RBFOX1: variants seen among roughly 807,000 people sequenced by gnomAD.
RBFOX1 encodes RNA binding protein fox-1 homolog 1.
RBFOX1 carries 8 observed loss-of-function variants against 57.7 expected under a neutral mutation model. That is an observed-to-expected ratio of 0.14 (90% CI 0.08 to 0.25). The LOEUF (loss-of-function observed/expected upper bound fraction) is 0.25, where lower values mean the gene tolerates loss of function less well. Among genes scored for constraint, RBFOX1 ranks in the 10% least tolerant of loss-of-function variants. The pLI, the probability that RBFOX1 is intolerant of heterozygous loss-of-function variation, is 1.00. For missense variants in RBFOX1, 611 were observed against 548.5 expected, an observed-to-expected ratio of 1.11 and a Z score of -1.14; for synonymous variants, 326 against 222.4, an observed-to-expected ratio of 1.47 and a Z score of -4.15.
intron 3 of RBFOX1, among the ~76,000 whole-genome samples, chr16:6,809,990 C>T (rs1230535082): frequency 6.6e-6 from 1 of 150,612 alleles, no homozygotes; most frequent in Admixed American, 6.6e-5. Context: ...GCTTGTTCTC[C>T]TGGGTGTCTC....
At chr16:5,474,362 A>G (rs369512146) in intron 2 of RBFOX1, among the ~76,000 whole-genome samples, 1 of 152,152 alleles carries the variant, frequency 6.6e-6, no homozygotes, top group African/African-American at 2.4e-5. Context: ...TTTAAAAAAT[A>G]CCCCTGGACG....
intron 3 of RBFOX1, among the ~76,000 whole-genome samples, chr16:6,954,898 G>C (rs9932058): frequency 0.79 from 120,194 of 151,978 alleles, 48,236 homozygotes; most frequent in African/African-American, 0.94. Flanking sequence ...ATAAAGAAAG[G>C]TAATTATCCT....
intron 3 of RBFOX1, among the ~76,000 whole-genome samples, chr16:5,690,374 G>A (rs1267799543): frequency 6.6e-6 from 1 of 152,134 alleles, no homozygotes; most frequent in Non-Finnish European, 1.5e-5. Context: ...AAGGATTTGG[G>A]CCACCGTCTA....
intron 3 of RBFOX1, among the ~76,000 whole-genome samples, chr16:6,866,539 C>CTTTTTTTTTTTTT (rs1161474639): frequency 5.9e-4 from 29 of 49,056 alleles, no homozygotes; most frequent in African/African-American, 1.3e-3. Context: ...TTCTTTCCTT[C>CTTTTTTTTTTTTT]TATTTTTTTT....
intron 2 of RBFOX1, among the ~76,000 whole-genome samples, chr16:6,319,602 CTTCAAAGCT>C (rs2081522926): frequency 6.6e-6 from 1 of 152,188 alleles, no homozygotes; most frequent in Non-Finnish European, 1.5e-5. Flanking sequence ...CAATACTCTT[CTTCAAAGCT>C]TTCACTTCTA....
At chr16:7,018,495 G>C (rs1026419694) in intron 3 of RBFOX1, among the ~76,000 whole-genome samples, 1 of 152,080 alleles carries the variant, frequency 6.6e-6, no homozygotes, top group Non-Finnish European at 1.5e-5. Context: ...CATTTGGATT[G>C]GTTCCATGTC....
At position 6,843,081 on chromosome 16, in the gene RBFOX1, G is replaced by T. The variant is rs550048882; in HGVS notation, c.-16+188431G>T. On this transcript the variant is annotated intron_variant, in intron 3 of 15. Coordinates refer to ENST00000550418, the MANE Select transcript of RBFOX1 (RefSeq NM_018723.4). ...TTATCCTTGATGGGCATTTGGGTTG[G>T]TTCCAAGATTTACTATTGTAAATAG... Among the ~76,000 whole-genome samples the T allele has an allele frequency of 9.2e-5, 14 of 152,190 alleles. No individual in the cohort carries two copies. The South Asian group carries it at 2.9e-3, about 32-fold the overall frequency.
intron 3 of RBFOX1, among the ~76,000 whole-genome samples, chr16:6,815,931 A>G (rs1353457658): frequency 6.6e-6 from 1 of 152,204 alleles, no homozygotes; most frequent in African/African-American, 2.4e-5. Context: ...TGTCTTGAGA[A>G]GTAAGAAACT....
chr16:7,145,497 A>C (rs1237767003), intron 4 of RBFOX1, among the ~76,000 whole-genome samples: 2 of 152,004 alleles, frequency 1.3e-5, no homozygotes, highest in African/African-American at 4.8e-5. Flanking sequence ...GTGAGCCATC[A>C]CACCTGGGCT....
chr16:6,527,384 C>T (rs373239914), intron 2 of RBFOX1, among the ~76,000 whole-genome samples: 2 of 151,980 alleles, frequency 1.3e-5, no homozygotes, highest in African/African-American at 4.8e-5. Context: ...AAAGTGATTT[C>T]TGTACAGGCT....
chr16:6,952,750 G>A (rs940681727), intron 3 of RBFOX1, among the ~76,000 whole-genome samples: 6 of 152,068 alleles, frequency 3.9e-5, no homozygotes, highest in African/African-American at 1.4e-4. Context: ...ATCTGAAGCG[G>A]GCGGATCACG....
intron 3 of RBFOX1, among the ~76,000 whole-genome samples, chr16:6,835,980 C>T (rs34883663): frequency 0.14 from 20,801 of 151,962 alleles, 1,550 homozygotes; most frequent in Non-Finnish European, 0.16. Context: ...AAAGTGTCAT[C>T]TGGTCACATC....
intron 2 of RBFOX1, among the ~76,000 whole-genome samples, chr16:6,508,941 G>C (rs567699680): frequency 1.3e-5 from 2 of 151,950 alleles, no homozygotes; most frequent in Non-Finnish European, 2.9e-5. Context: ...GCCTCAGGTT[G>C]AGACCTGGTT....
chr16:7,093,494 C>T (rs1200883928), intron 4 of RBFOX1, among the ~76,000 whole-genome samples: 2 of 152,274 alleles, frequency 1.3e-5, no homozygotes, highest in Middle Eastern at 6.8e-3. Flanking sequence ...GGGCTAGTTT[C>T]CCAGCATCTT....
intron 3 of RBFOX1, among the ~76,000 whole-genome samples, chr16:6,955,321 T>A (rs1568064468): frequency 6.6e-6 from 1 of 150,532 alleles, no homozygotes; most frequent in Non-Finnish European, 1.5e-5. Context: ...TTTTTTTCTC[T>A]TTCACCTTTA....
At chr16:6,709,217 A>C (rs1446232454) in intron 3 of RBFOX1, among the ~76,000 whole-genome samples, 1 of 152,208 alleles carries the variant, frequency 6.6e-6, no homozygotes, top group East Asian at 1.9e-4. Flanking sequence ...GCACAAGTAT[A>C]AACCCACTGA....
chr16:6,671,710 C>G (rs560978773), intron 3 of RBFOX1, among the ~76,000 whole-genome samples: 7 of 152,258 alleles, frequency 4.6e-5, no homozygotes, highest in African/African-American at 1.7e-4. Flanking sequence ...TGAGGACATA[C>G]GATGTTTGGT....
intron 4 of RBFOX1, among the ~76,000 whole-genome samples, chr16:5,931,663 C>G (rs1468020969): frequency 6.6e-6 from 1 of 152,138 alleles, no homozygotes; most frequent in Admixed American, 6.5e-5. Flanking sequence ...CTGAAGGAGA[C>G]TCAAGTTTTG....
At chr16:6,038,933 G>T (rs367786559) in intron 1 of RBFOX1, 1 of 137,946 alleles carries the variant, frequency 7.2e-6, no homozygotes, top group Admixed American at 7.9e-5. Flanking sequence ...CTGTGCATCA[G>T]TGTCTATGTG....
Sources: allele counts gnomAD v4.1 joint callset (sites outside exome capture counted in the v4.1 genomes callset), GRCh38; gene constraint gnomAD v4.1.1; transcripts MANE v1.5; gene names NCBI Gene and HGNC (gene_info 2026-07-23, HGNC 2026-07-21).